The following SIPA1L1 variants were observed in gnomAD, a reference collection of about 807,000 sequenced individuals.
SIPA1L1 encodes signal-induced proliferation-associated 1-like protein 1.
In SIPA1L1, 26 loss-of-function variants were observed where a neutral mutation model predicts 162.7. That is an observed-to-expected ratio of 0.16 (90% CI 0.12 to 0.22). The LOEUF is 0.22. Among genes scored for constraint, SIPA1L1 ranks in the 10% least tolerant of loss-of-function variants. The probability of loss-of-function intolerance (pLI) is 1.00; values close to 1 mark genes in which losing one functional copy is unlikely to be tolerated. For synonymous variants in SIPA1L1, 829 were observed against 837.4 expected, an observed-to-expected ratio of 0.99 and a Z score of 0.17; for missense variants, 1,874 against 2,241.0, an observed-to-expected ratio of 0.84 and a Z score of 3.31.
intron 2 of SIPA1L1, among the ~76,000 whole-genome samples, chr14:71,489,952 A>G (rs1426743899): frequency 6.6e-6 from 1 of 152,220 alleles, no homozygotes; most frequent in African/African-American, 2.4e-5. Context: ...ATGCAAGTGA[A>G]TAATCAGTTA....
At chr14:71,446,716 A>G (rs971247363) in intron 2 of SIPA1L1, among the ~76,000 whole-genome samples, 1 of 152,108 alleles carries the variant, frequency 6.6e-6, no homozygotes, top group African/African-American at 2.4e-5. Context: ...TATCTAGGAT[A>G]AGAATTATTA....
At position 71,671,667 on chromosome 14, in the gene SIPA1L1, T is replaced by C; in HGVS notation, c.2804T>C (p.Ile935Thr). ...SVGSFINIEE[I>T]KEIVKRLQFV... ...GGTAGTTTTATTAACATTGAGGAGA[T>C]CAAAGAGATTGTCAAAAGGTTGCAG... The change falls in exon 11 of 24, where the codon ATC becomes ACC. Residue 935 changes from isoleucine to threonine, a missense_variant. Physicochemically the swap from Ile to Thr is moderately conservative, Grantham distance 89. Coordinates refer to ENST00000381232, the MANE Select transcript of SIPA1L1 (RefSeq NM_001386936.1). The C allele has an allele frequency of 6.2e-7, 1 of 1,602,756 alleles. No individual in the cohort carries two copies. The highest frequency in any genetic ancestry group is 8.5e-7 in the Non-Finnish European group (1 of 1,175,352).
At chr14:71,514,200 C>G (rs545655162) in intron 3 of SIPA1L1, among the ~76,000 whole-genome samples, 1 of 152,120 alleles carries the variant, frequency 6.6e-6, no homozygotes, top group African/African-American at 2.4e-5. Flanking sequence ...GGGGTTTGAC[C>G]TTTTGACTTG....
At chr14:71,341,300 A>T (rs1478911145) in intron 2 of SIPA1L1, among the ~76,000 whole-genome samples, 2 of 152,266 alleles carry the variant, frequency 1.3e-5, no homozygotes, top group Non-Finnish European at 2.9e-5. Context: ...TGAGCAAGAC[A>T]GGAAGCTTGA....
At position 71,709,472 on chromosome 14, in the gene SIPA1L1, C is replaced by T. The variant is rs1407217536; in HGVS notation, c.4016C>T (p.Ala1339Val). Residue 1339 changes from alanine to valine, a missense_variant, in exon 17 of 24, where the codon GCA becomes GTA. Physicochemically the swap from Ala to Val is moderately conservative, Grantham distance 64. This residue lies in a region of SIPA1L1 where 936 missense variants were observed against 1,051.9 expected (regional missense o/e 0.89). Transcript: ENST00000381232. ...TCAGGGCCAGGCAAGGAGAAAGTGG[C>T]ACCCCTATGGCACAGCTCCAGTGAA... ...PRSGPGKEKV[A>V]PLWHSSSEVI... 2 of 1,614,092 alleles carry T rather than the reference C, an allele frequency of 1.2e-6. No individual in the cohort carries two copies. The highest frequency in any genetic ancestry group is 1.7e-6 in the Non-Finnish European group (2 of 1,180,040).
chr14:71,553,372 TG>T (rs1184008939), intron 4 of SIPA1L1, among the ~76,000 whole-genome samples: 7 of 152,232 alleles, frequency 4.6e-5, no homozygotes, highest in African/African-American at 1.2e-4. Flanking sequence ...ATTTTTCGCC[TG>T]CTCCCATCAC....
chr14:71,371,752 T>C (rs78330826), intron 2 of SIPA1L1, among the ~76,000 whole-genome samples: 117 of 152,282 alleles, frequency 7.7e-4, no homozygotes, highest in Non-Finnish European at 1.5e-3. Context: ...ATAGGCATAA[T>C]TGAGTGTTTT....
rs1317777750 is a variant in SIPA1L1, at chr14:71,588,706, G to A, written c.834G>A (p.Arg278=). ...AGAACCTCAGGCTTTTTAAGGAAAG[G>A]GAAAAACCACTCAAGCGACGTTCAA... ...QRENLRLFKE[R]EKPLKRRSKS... Residue 278 remains arginine (R), a synonymous_variant, in exon 5 of 24, where the codon AGG becomes AGA. Coordinates refer to ENST00000381232, the MANE Select transcript of SIPA1L1 (RefSeq NM_001386936.1). The surrounding 1 kb of genome is among the most constrained non-coding windows in gnomAD (Gnocchi z 4.3). The A allele has an allele frequency of 6.2e-7, 1 of 1,613,828 alleles. No homozygotes were observed. The highest frequency in any genetic ancestry group is 8.5e-7 in the Non-Finnish European group (1 of 1,179,978).
chr14:71,437,498 T>A (rs933123191), intron 2 of SIPA1L1, among the ~76,000 whole-genome samples: 2 of 152,180 alleles, frequency 1.3e-5, no homozygotes, highest in Non-Finnish European at 2.9e-5. Flanking sequence ...GCCACTTAAG[T>A]AGCTAGGATT....
intron 2 of SIPA1L1, among the ~76,000 whole-genome samples, chr14:71,403,461 G>A (rs1461971366): frequency 4.6e-5 from 7 of 151,802 alleles, no homozygotes; most frequent in African/African-American, 1.2e-4. Context: ...TTAGCTGGGC[G>A]TGGTGGCAGG....
chr14:71,639,167 G>T (rs1294951951), intron 7 of SIPA1L1, among the ~76,000 whole-genome samples: 1 of 152,202 alleles, frequency 6.6e-6, no homozygotes, highest in Non-Finnish European at 1.5e-5. Flanking sequence ...AGCGTTTTGA[G>T]AGGCCAAGGA....
intron 17 of SIPA1L1, among the ~76,000 whole-genome samples, chr14:71,720,633 C>T (rs1459286092): frequency 3.3e-5 from 5 of 151,842 alleles, no homozygotes; most frequent in African/African-American, 7.3e-5. Context: ...CATTCTTATT[C>T]TTTTTTCTTT....
chr14:71,626,765 T>G (rs1158294130), intron 7 of SIPA1L1, among the ~76,000 whole-genome samples: 1 of 152,176 alleles, frequency 6.6e-6, no homozygotes, highest in Non-Finnish European at 1.5e-5. Flanking sequence ...GTTTAAATGA[T>G]TCTTTTAATA....
At chr14:71,697,312 C>T (rs560027614) in intron 13 of SIPA1L1, among the ~76,000 whole-genome samples, 1 of 152,230 alleles carries the variant, frequency 6.6e-6, no homozygotes. Flanking sequence ...AGGACCAGCA[C>T]CAGGTGCCTG....
intron 13 of SIPA1L1, among the ~76,000 whole-genome samples, chr14:71,686,684 C>T (rs1274427137): frequency 6.6e-6 from 1 of 152,164 alleles, no homozygotes; most frequent in Non-Finnish European, 1.5e-5. Flanking sequence ...GCTGGGATTA[C>T]AGCGTGAGCC....
chr14:71,455,978 A>G (rs573316059), intron 2 of SIPA1L1, among the ~76,000 whole-genome samples: 21 of 152,190 alleles, frequency 1.4e-4, no homozygotes, highest in Admixed American at 5.9e-4. Context: ...TTCATTTACT[A>G]TTGTGTTTAT....
At chr14:71,522,819 G>A (rs569260018) in intron 3 of SIPA1L1, among the ~76,000 whole-genome samples, 2 of 151,536 alleles carry the variant, frequency 1.3e-5, no homozygotes, top group East Asian at 3.9e-4. Context: ...TCAGCCTCCC[G>A]AGTAGTTGGG....
chr14:71,422,807 T>G (rs1336527191), intron 2 of SIPA1L1, among the ~76,000 whole-genome samples: 1 of 152,212 alleles, frequency 6.6e-6, no homozygotes, highest in Non-Finnish European at 1.5e-5. Context: ...AAATATCTCT[T>G]TGAGACTCTG....
At chr14:71,447,945 G>A (rs186169409) in intron 2 of SIPA1L1, among the ~76,000 whole-genome samples, 40 of 152,204 alleles carry the variant, frequency 2.6e-4, no homozygotes, top group African/African-American at 9.1e-4. Flanking sequence ...ATGGCTCATT[G>A]TGAAAGTTCA....
Sources: allele counts gnomAD v4.1 joint callset (sites outside exome capture counted in the v4.1 genomes callset), GRCh38; gene constraint gnomAD v4.1.1; regional missense constraint gnomAD v4.1.1; non-coding constraint Gnocchi (gnomAD v3.1); transcripts MANE v1.5; gene names NCBI Gene and HGNC (gene_info 2026-07-23, HGNC 2026-07-21).